The following CACNG3 variants were observed in gnomAD, a reference collection of about 807,000 sequenced individuals.
The protein encoded by CACNG3 is voltage-dependent calcium channel gamma-3 subunit.
CACNG3 carries 3 observed loss-of-function variants against 28.5 expected under a neutral mutation model. The observed-to-expected ratio is 0.11, with a 90% CI of 0.05 to 0.27. The LOEUF is 0.27. Among genes scored for constraint, CACNG3 ranks in the 10% least tolerant of loss-of-function variants. The probability of loss-of-function intolerance (pLI) is 1.00; values close to 1 mark genes in which losing one functional copy is unlikely to be tolerated. For missense variants in CACNG3, 236 were observed against 414.4 expected (o/e 0.57, Z 3.74); for synonymous variants, 174 against 162.2 (o/e 1.07, Z -0.55).
Position 24,361,165 on chromosome 16 carries a change from C to G in CACNG3, c.437-187C>G, listed in dbSNP as rs878967260. Among the ~76,000 whole-genome samples the G allele has an allele frequency of 6.6e-6, 1 of 152,146 alleles. No homozygotes were observed. The highest frequency in any genetic ancestry group is 2.1e-4 in the South Asian group (1 of 4,826). ...TGAATACACATTGCCTGGAACTGAG[C>G]AGCAGAATTCTTCATTTCCTAAGTG... On this transcript the variant is annotated intron_variant, in intron 3 of 3. Coordinates refer to ENST00000005284, the MANE Select transcript of CACNG3 (RefSeq NM_006539.4). This position sits in a 1 kb window ranked among gnomAD's most constrained non-coding sequence, Gnocchi z 6.8.
At chr16:24,258,746 T>C (rs1898501210) in intron 1 of CACNG3, among the ~76,000 whole-genome samples, 3 of 152,328 alleles carry the variant, frequency 2.0e-5, no homozygotes, top group Middle Eastern at 6.8e-3. Flanking sequence ...AGAGATGGCA[T>C]AGAAGTTCTA....
chr16:24,270,811 T>C (rs549481862), intron 1 of CACNG3, among the ~76,000 whole-genome samples: 2 of 152,266 alleles, frequency 1.3e-5, no homozygotes, highest in South Asian at 4.1e-4. Flanking sequence ...TTGTAAATGG[T>C]GTGGTCAAGG....
At chr16:24,334,644 T>G (rs1028586103) in intron 1 of CACNG3, among the ~76,000 whole-genome samples, 1 of 152,222 alleles carries the variant, frequency 6.6e-6, no homozygotes. Context: ...CCTTGGATGA[T>G]AGTCTCACTT....
chr16:24,357,781 G>A (rs940174938), intron 3 of CACNG3, among the ~76,000 whole-genome samples: 2 of 152,230 alleles, frequency 1.3e-5, no homozygotes, highest in African/African-American at 4.8e-5. Flanking sequence ...CCGATCCAGA[G>A]GATCAGTACC....
chr16:24,329,176 A>T (rs1195329250), intron 1 of CACNG3, among the ~76,000 whole-genome samples: 1 of 152,164 alleles, frequency 6.6e-6, no homozygotes, highest in Non-Finnish European at 1.5e-5. Flanking sequence ...ACTAAATCCC[A>T]GTGTGGTGTT....
At chr16:24,319,150 C>G (rs1374218578) in intron 1 of CACNG3, among the ~76,000 whole-genome samples, 1 of 152,128 alleles carries the variant, frequency 6.6e-6, no homozygotes, top group Non-Finnish European at 1.5e-5. Context: ...TAAAGAGTGT[C>G]AACCTAAATG....
chr16:24,350,969 A>T (rs1040730452), intron 2 of CACNG3, among the ~76,000 whole-genome samples: 2 of 152,148 alleles, frequency 1.3e-5, no homozygotes, highest in Admixed American at 1.3e-4. Flanking sequence ...AGCTACACTC[A>T]CTTACAGAAC....
intron 1 of CACNG3, among the ~76,000 whole-genome samples, chr16:24,330,684 T>C (rs1400807645): frequency 6.6e-6 from 1 of 152,152 alleles, no homozygotes; most frequent in Non-Finnish European, 1.5e-5. Flanking sequence ...TCCAGGCACC[T>C]CTGAAAGAGA....
intron 3 of CACNG3, 101 bp downstream of exon 3, chr16:24,355,074 A>G (rs1026353359): frequency 2.5e-6 from 3 of 1,186,026 alleles, no homozygotes; most frequent in Non-Finnish European, 3.6e-6. Context: ...CCAGGGAAGG[A>G]GCAAGAAAAT....
At chr16:24,264,674 A>G (rs1204410169) in intron 1 of CACNG3, among the ~76,000 whole-genome samples, 1 of 152,244 alleles carries the variant, frequency 6.6e-6, no homozygotes, top group East Asian at 1.9e-4. Flanking sequence ...ACATACATAC[A>G]GAAGGTGCTA....
chr16:24,280,920 A>T (rs1445308988), intron 1 of CACNG3, among the ~76,000 whole-genome samples: 9 of 151,630 alleles, frequency 5.9e-5, no homozygotes, highest in Admixed American at 5.9e-4. Context: ...ATGGTTGTAT[A>T]ACCTAGAATT....
intron 1 of CACNG3, among the ~76,000 whole-genome samples, chr16:24,286,467 A>T (rs1330318929): frequency 6.6e-6 from 1 of 151,604 alleles, no homozygotes; most frequent in Admixed American, 6.6e-5. Context: ...ATATTCAAAG[A>T]TTTTGCTTTG....
chr16:24,265,374 G>A (rs199866464), intron 1 of CACNG3, among the ~76,000 whole-genome samples: 1,768 of 85,928 alleles, frequency 0.021, 36 homozygotes, highest in African/African-American at 0.09. Context: ...AAAGAAAAAA[G>A]AAAGAAAGAA....
chr16:24,267,022 G>A (rs143880372), intron 1 of CACNG3, among the ~76,000 whole-genome samples: 2,021 of 149,162 alleles, frequency 0.014, 35 homozygotes, highest in African/African-American at 0.041. Context: ...GCTGGAGTGC[G>A]GTGGCACGAT....
intron 1 of CACNG3, among the ~76,000 whole-genome samples, chr16:24,292,044 G>A (rs546397173): frequency 2.0e-5 from 3 of 152,220 alleles, no homozygotes; most frequent in African/African-American, 4.8e-5. Context: ...GGTTATTGAC[G>A]AGGTAAGAAC....
intron 2 of CACNG3, among the ~76,000 whole-genome samples, chr16:24,351,678 GAAAGAAGGAAA>G (rs1454936284): frequency 3.2e-4 from 46 of 142,174 alleles, no homozygotes; most frequent in African/African-American, 1.2e-3. Flanking sequence ...AAGAAAGAAA[GAAAGAAGGAAA>G]GAAAGAAAGA....
intron 1 of CACNG3, among the ~76,000 whole-genome samples, chr16:24,300,271 T>C (rs1899088207): frequency 6.6e-6 from 1 of 152,062 alleles, no homozygotes; most frequent in Non-Finnish European, 1.5e-5. Context: ...ATAGACCTCA[T>C]GGGGGAGACA....
intron 1 of CACNG3, among the ~76,000 whole-genome samples, chr16:24,317,051 T>A (rs1426350433): frequency 6.6e-6 from 1 of 152,072 alleles, no homozygotes; most frequent in Non-Finnish European, 1.5e-5. Context: ...GGAACTCCTG[T>A]GAATAAAAGG....
intron 1 of CACNG3, among the ~76,000 whole-genome samples, chr16:24,296,112 G>A (rs1040399259): frequency 1.3e-5 from 2 of 152,142 alleles, no homozygotes; most frequent in African/African-American, 4.8e-5. Flanking sequence ...TCTGCCCCCA[G>A]GATGACAAGG....
Sources: allele counts gnomAD v4.1 joint callset (sites outside exome capture counted in the v4.1 genomes callset), GRCh38; gene constraint gnomAD v4.1.1; non-coding constraint Gnocchi (gnomAD v3.1); transcripts MANE v1.5; gene names NCBI Gene and HGNC (gene_info 2026-07-23, HGNC 2026-07-21).